PCSK5: variants seen among roughly 807,000 people sequenced by gnomAD.
PCSK5 encodes the protein proprotein convertase subtilisin/kexin type 5.
PCSK5 carries 129 observed loss-of-function variants against 233.2 expected under a neutral mutation model. The ratio of observed to expected loss-of-function variants is 0.55; its 90% CI spans 0.48 to 0.64. The LOEUF is 0.64. Ranked by LOEUF, PCSK5 falls within the 30% of genes least tolerant of loss-of-function variation. The probability of loss-of-function intolerance (pLI) is 0.00; values close to 1 mark genes in which losing one functional copy is unlikely to be tolerated. For missense variants in PCSK5, 2,076 were observed against 2,430.1 expected (o/e 0.85, Z 3.06); for synonymous variants, 825 against 879.2 (o/e 0.94, Z 1.09).
At chr9:76,005,337 C>T (rs966531594) in intron 3 of PCSK5, among the ~76,000 whole-genome samples, 2 of 151,946 alleles carry the variant, frequency 1.3e-5, no homozygotes, top group Non-Finnish European at 2.9e-5. Context: ...CTGTTTTGTT[C>T]AGTTTTAGAG....
At chr9:76,001,839 A>G (rs10869677) in intron 3 of PCSK5, among the ~76,000 whole-genome samples, 78,072 of 151,948 alleles carry the variant, frequency 0.51, 20,606 homozygotes, top group African/African-American at 0.63. Flanking sequence ...AAAGAGATCC[A>G]TAATAATCAA....
chr9:76,200,883 AC>A (rs1304221583), intron 20 of PCSK5, among the ~76,000 whole-genome samples: 4 of 152,080 alleles, frequency 2.6e-5, no homozygotes, highest in Non-Finnish European at 5.9e-5. Flanking sequence ...AATGTCATCA[AC>A]CCTCTTTTCA....
intron 32 of PCSK5, among the ~76,000 whole-genome samples, chr9:76,325,738 A>G (rs1441003156): frequency 6.6e-6 from 1 of 151,964 alleles, no homozygotes; most frequent in Non-Finnish European, 1.5e-5. Context: ...CCCTGGTTCA[A>G]GAGATTCTCC....
At chr9:75,976,693 T>G (rs971998154) in intron 2 of PCSK5, among the ~76,000 whole-genome samples, 2 of 151,852 alleles carry the variant, frequency 1.3e-5, no homozygotes, top group Non-Finnish European at 2.9e-5. Context: ...AATTTAAATG[T>G]TTAAAATATT....
chr9:76,192,012 G>T (rs1057419465), intron 20 of PCSK5, among the ~76,000 whole-genome samples: 3 of 148,168 alleles, frequency 2.0e-5, no homozygotes, highest in African/African-American at 7.5e-5. Flanking sequence ...CCTGGAGGTG[G>T]AGGTTGCAGA....
chr9:75,952,446 T>C (rs1297288205), intron 2 of PCSK5, among the ~76,000 whole-genome samples: 1 of 152,238 alleles, frequency 6.6e-6, no homozygotes, highest in African/African-American at 2.4e-5. Context: ...GGCATACTTT[T>C]TGAAAATTTA....
chr9:76,297,910 A>G (rs1828492915), intron 27 of PCSK5, among the ~76,000 whole-genome samples: 1 of 152,172 alleles, frequency 6.6e-6, no homozygotes, highest in African/African-American at 2.4e-5. Flanking sequence ...AGAGCAGCTC[A>G]GAGACCGTGG....
rs571126372 is a variant in PCSK5 at position 75,903,031 on chromosome 9, G to T, written c.192+11658G>T. Among the ~76,000 whole-genome samples, 34 of 152,212 alleles carry T rather than the reference G, an allele frequency of 2.2e-4. No homozygotes were observed. The South Asian group carries it at 6.8e-3, about 31-fold the overall frequency. On this transcript the variant is annotated intron_variant, in intron 1 of 37. Coordinates refer to ENST00000674117, the MANE Select transcript of PCSK5 (RefSeq NM_001372043.1). ...CATTTTAGGTTGACTTTTAGCTTAG[G>T]TTGTCACATAGTCTACTTTCCATCT...
intron 20 of PCSK5, chr9:76,194,870 G>C (rs763069307): frequency 5.3e-6 from 2 of 377,406 alleles, no homozygotes; most frequent in Non-Finnish European, 5.5e-6. Context: ...TTACTTAGAA[G>C]ATGCTGCTGG....
chr9:76,091,136 A>G (rs1831270391), intron 7 of PCSK5, among the ~76,000 whole-genome samples: 1 of 152,110 alleles, frequency 6.6e-6, no homozygotes, highest in Non-Finnish European at 1.5e-5. Context: ...CAAGCCACGG[A>G]TCAATTTCGG....
intron 35 of PCSK5, among the ~76,000 whole-genome samples, chr9:76,341,587 C>A (rs1238904998): frequency 6.6e-6 from 1 of 152,234 alleles, no homozygotes; most frequent in Admixed American, 6.5e-5. Flanking sequence ...AGCCACTGCA[C>A]TGGCCTGTCA....
intron 2 of PCSK5, among the ~76,000 whole-genome samples, chr9:75,948,607 G>A (rs1824697374): frequency 6.6e-6 from 1 of 152,018 alleles, no homozygotes; most frequent in Admixed American, 6.6e-5. Flanking sequence ...TGTGAATAGT[G>A]CCACAATAAA....
At chr9:75,934,590 T>A (rs4595192) in intron 2 of PCSK5, among the ~76,000 whole-genome samples, 40,668 of 150,202 alleles carry the variant, frequency 0.27, 5,691 homozygotes, top group East Asian at 0.49. Context: ...TTTTTTTAAA[T>A]TTTTTTTTTA....
chr9:75,964,333 C>A (rs1825484632), intron 2 of PCSK5, among the ~76,000 whole-genome samples: 1 of 152,094 alleles, frequency 6.6e-6, no homozygotes, highest in South Asian at 2.1e-4. Context: ...TAATGTTTTT[C>A]TTTTTTAATT....
chr9:76,181,732 AC>A (rs1251008315), intron 16 of PCSK5, 141 bp downstream of exon 16: 1 of 596,004 alleles, frequency 1.7e-6, no homozygotes, highest in Non-Finnish European at 2.9e-6. Flanking sequence ...TTTTAAGAGA[AC>A]CCTTTAGAAG....
In PCSK5 at chr9:76,164,269, C is replaced by T. The variant is rs12002443; in HGVS notation, c.1619+5098C>T. The stretch of plus-strand genomic sequence containing the variant: ...AACACCCAACCACGTGAACCTTCTT[C>T]CTTCATTCAAAAGAAGGTACAGCCT... On this transcript the variant is annotated intron_variant, in intron 12 of 37. Transcript: ENST00000674117. Among the ~76,000 whole-genome samples, 1,522 of 152,284 alleles carry T rather than the reference C, an allele frequency of 1.0e-2. 24 individuals carry two copies. The highest frequency in any genetic ancestry group is 0.035 in the African/African-American group (1,435 of 41,550).
rs576189179 is a variant in PCSK5 at position 76,175,208 on chromosome 9, A to C, written c.1900+79A>C. On this transcript the variant is annotated intron_variant, in intron 14 of 37. Transcript: ENST00000674117. The stretch of plus-strand genomic sequence containing the variant: ...CCCACCACATGGGAGAACAGAATGG[A>C]ATGGAATGGAATGAAATGGAATGGA... 94 of 584,450 alleles carry C rather than the reference A, an allele frequency of 1.6e-4. No individual in the cohort carries two copies. The African/African-American group carries it at 1.7e-3, about 10-fold the overall frequency. 36.2% of individuals were successfully genotyped at this position (584,450 alleles called of 1,614,324 possible). A position where few individuals can be genotyped will look rare whatever the true frequency, so the allele number is the denominator to read the frequency against.
intron 8 of PCSK5, among the ~76,000 whole-genome samples, chr9:76,103,712 T>C (rs1317145073): frequency 6.6e-6 from 1 of 152,124 alleles, no homozygotes; most frequent in Admixed American, 6.6e-5. Flanking sequence ...ACGCTGAAAA[T>C]CTAATTTGCT....
At chr9:76,234,205 T>G (rs1826182970) in intron 22 of PCSK5, among the ~76,000 whole-genome samples, 1 of 152,214 alleles carries the variant, frequency 6.6e-6, no homozygotes, top group South Asian at 2.1e-4. Flanking sequence ...ATTTTATTTT[T>G]TTCTATATAC....
Sources: gnomAD v4.1 joint callset for allele counts (sites outside exome capture counted in the v4.1 genomes callset) on GRCh38, gnomAD v4.1.1 for gene constraint, MANE v1.5 for transcripts, NCBI Gene and HGNC (gene_info 2026-07-23, HGNC 2026-07-21) for gene names.